The following SRGAP3 variants were observed in gnomAD, a reference collection of about 807,000 sequenced individuals.
SRGAP3 encodes SLIT-ROBO Rho GTPase activating protein 3.
Under a neutral mutation model 121.1 loss-of-function variants are expected in SRGAP3, and 39 were observed. That is an observed-to-expected ratio of 0.32 (90% confidence interval 0.25 to 0.42). The LOEUF is 0.42. Among genes scored for constraint, SRGAP3 ranks in the 10% least tolerant of loss-of-function variants. The pLI, the probability that SRGAP3 is intolerant of heterozygous loss-of-function variation, is 1.00. For synonymous variants in SRGAP3, 601 were observed against 570.0 expected, an observed-to-expected ratio of 1.05 and a Z score of -0.77; for missense variants, 1,213 against 1,470.6, an observed-to-expected ratio of 0.82 and a Z score of 2.86.
chr3:8,982,642 G>A lies in SRGAP3; in HGVS notation c.*2877C>T, dbSNP rs76434171. 5.9e-3 allele frequency: 1,274 copies of A among 214,490 alleles called. 22 individuals carry two copies. Among genetic ancestry groups the A allele is most frequent in the East Asian group, 0.057 (834 of 14,542 alleles). 13.3% of individuals were successfully genotyped at this position (214,490 alleles called of 1,614,324 possible). Reference sequence around the variant, plus strand: ...AGAAAGCCAATGTTCAGTGAACGTCGATGGGACTGAGTGCTGTGGAGGGTG... The same window carrying A: ...AGAAAGCCAATGTTCAGTGAACGTCAATGGGACTGAGTGCTGTGGAGGGTG... On this transcript the variant is annotated 3_prime_UTR_variant, in exon 22 of 22. Coordinates refer to ENST00000383836, the MANE Select transcript of SRGAP3 (RefSeq NM_014850.4).
rs546433564 is a variant in SRGAP3 at position 9,032,590 on chromosome 3, G to A, written c.1539+60C>T. 5.1e-5 allele frequency: 76 copies of A among 1,477,982 alleles called. No homozygotes were observed. In the East Asian group the frequency reaches 5.6e-4, roughly 11 times the overall value. The allele number at this position is 1,477,982 out of a possible 1,614,324, so 91.6% of individuals were successfully genotyped here. On this transcript the variant is annotated intron_variant, in intron 12 of 21. Transcript: ENST00000383836. ...GCTGTCTGCTGGCAGGGAGGCGGGCGGACAGAGGCTGCCATTACATTGGGT... is the reference window on the plus strand; with the variant it reads ...GCTGTCTGCTGGCAGGGAGGCGGGCAGACAGAGGCTGCCATTACATTGGGT...
chr3:9,127,534 GCCT>G (rs1949282836), intron 1 of SRGAP3, among the ~76,000 whole-genome samples: 1 of 152,166 alleles, frequency 6.6e-6, no homozygotes, highest in Admixed American at 6.5e-5. Flanking sequence ...TGCAACCTCC[GCCT>G]CCTGGGTTCA....
chr3:8,998,784 A>G (rs1019610704), intron 18 of SRGAP3, among the ~76,000 whole-genome samples: 2 of 152,148 alleles, frequency 1.3e-5, no homozygotes, highest in East Asian at 3.9e-4. Context: ...TTTTACTGGT[A>G]CCAGGTGTTC....
intron 1 of SRGAP3, among the ~76,000 whole-genome samples, chr3:9,149,410 C>T (rs569716129): frequency 1.3e-5 from 2 of 152,236 alleles, no homozygotes; most frequent in African/African-American, 4.8e-5. Context: ...AATAGCCCCA[C>T]TTCTTCAGTC....
At chr3:9,345,785 C>CAAAAAAAA (rs34225108) in intron 1 of SRGAP3, among the ~76,000 whole-genome samples, 60 of 65,114 alleles carry the variant, frequency 9.2e-4, no homozygotes, top group African/African-American at 1.6e-3. Context: ...GACTCCAACT[C>CAAAAAAAA]AAAAAAAAAA....
chr3:9,356,860 G>C (rs1382697970), intron 1 of SRGAP3, among the ~76,000 whole-genome samples: 1 of 151,976 alleles, frequency 6.6e-6, no homozygotes, highest in African/African-American at 2.4e-5. Context: ...CACCAAATCA[G>C]GTCAAGAGAA....
chr3:9,205,849 A>G (rs1952247933), intron 1 of SRGAP3, among the ~76,000 whole-genome samples: 1 of 152,224 alleles, frequency 6.6e-6, no homozygotes, highest in African/African-American at 2.4e-5. Flanking sequence ...CCTCGAGGAC[A>G]TTATGCAAGT....
intron 3 of SRGAP3, among the ~76,000 whole-genome samples, chr3:9,258,901 C>G (rs973167889): frequency 6.6e-6 from 1 of 152,178 alleles, no homozygotes; most frequent in Non-Finnish European, 1.5e-5. Context: ...GAGCTTTTCA[C>G]GTGTGAATCA....
chr3:9,011,186 G>A (rs1357391816), intron 17 of SRGAP3, among the ~76,000 whole-genome samples: 1 of 152,104 alleles, frequency 6.6e-6, no homozygotes. Flanking sequence ...AAAAACCGAA[G>A]TAAATAGGCC....
chr3:9,255,135 T>C (rs182126705), intron 3 of SRGAP3, among the ~76,000 whole-genome samples: 13 of 152,164 alleles, frequency 8.5e-5, no homozygotes, highest in African/African-American at 3.1e-4. Context: ...ATGGTAAATT[T>C]TATGTTATGT....
chr3:9,316,183 G>A (rs1955342763), intron 3 of SRGAP3, among the ~76,000 whole-genome samples: 1 of 151,890 alleles, frequency 6.6e-6, no homozygotes, highest in African/African-American at 2.4e-5. Flanking sequence ...CAAGTTGCTG[G>A]GATAACAGGC....
At chr3:9,303,355 G>A (rs968937099) in intron 3 of SRGAP3, among the ~76,000 whole-genome samples, 3 of 151,716 alleles carry the variant, frequency 2.0e-5, no homozygotes, top group Non-Finnish European at 2.9e-5. Context: ...AACCCGGGAG[G>A]TGGAGGTTGC....
intron 3 of SRGAP3, among the ~76,000 whole-genome samples, chr3:9,089,685 A>G (rs1254373299): frequency 6.6e-6 from 1 of 152,130 alleles, no homozygotes; most frequent in African/African-American, 2.4e-5. Flanking sequence ...AGACATGGTC[A>G]TGTCTTGCTT....
chr3:9,129,609 A>G (rs1949364528), intron 1 of SRGAP3, among the ~76,000 whole-genome samples: 1 of 150,612 alleles, frequency 6.6e-6, no homozygotes, highest in South Asian at 2.2e-4. Context: ...CAGATTGCCT[A>G]GCGCTGTTTG....
At chr3:9,315,683 T>C (rs1289667588) in intron 3 of SRGAP3, among the ~76,000 whole-genome samples, 1 of 152,148 alleles carries the variant, frequency 6.6e-6, no homozygotes, top group Non-Finnish European at 1.5e-5. Flanking sequence ...TTCAAATACA[T>C]GTAGTGAAAT....
intron 20 of SRGAP3, 87 bp from the exon 21 acceptor site, chr3:8,990,926 A>G (rs1042298373): frequency 8.5e-7 from 1 of 1,176,524 alleles, no homozygotes; most frequent in East Asian, 2.6e-5. Flanking sequence ...CATGCCACAC[A>G]CTACACGCTA....
intron 9 of SRGAP3, among the ~76,000 whole-genome samples, chr3:9,051,156 A>G (rs1945553993): frequency 6.7e-6 from 1 of 150,318 alleles, no homozygotes; most frequent in Non-Finnish European, 1.5e-5. Context: ...CCTCCTGAAT[A>G]GCTGGGACCA....
upstream of SRGAP3, among the ~76,000 whole-genome samples, chr3:9,251,552 C>G (rs934091322): frequency 6.6e-6 from 1 of 152,192 alleles, no homozygotes; most frequent in Non-Finnish European, 1.5e-5. Context: ...GGCTCTGCCA[C>G]GAGCCTTGAG....
chr3:9,251,285 G>C (rs1308698776), upstream of SRGAP3, among the ~76,000 whole-genome samples: 2 of 152,116 alleles, frequency 1.3e-5, no homozygotes, highest in African/African-American at 4.8e-5. Flanking sequence ...CTTGTACCCG[G>C]AGGCAGGAGG....
Sources: gnomAD v4.1 joint callset for allele counts (sites outside exome capture counted in the v4.1 genomes callset) on GRCh38, gnomAD v4.1.1 for gene constraint, MANE v1.5 for transcripts, NCBI Gene and HGNC (gene_info 2026-07-23, HGNC 2026-07-21) for gene names.